CCDC66: variants seen among roughly 807,000 people sequenced by gnomAD.
The protein encoded by CCDC66 is coiled-coil domain-containing protein 66.
Under a neutral mutation model 128.3 loss-of-function variants are expected in CCDC66, and 133 were observed. That is an observed-to-expected ratio of 1.04 (90% CI 0.90 to 1.20). The LOEUF (loss-of-function observed/expected upper bound fraction) is 1.20, where lower values mean the gene tolerates loss of function less well. Ranked by LOEUF, CCDC66 falls within the 50% of genes most tolerant of loss-of-function variation. The pLI is 0.00. For synonymous variants in CCDC66, 387 were observed against 357.0 expected, an observed-to-expected ratio of 1.08 and a Z score of -0.95; for missense variants, 1,126 against 1,075.5, an observed-to-expected ratio of 1.05 and a Z score of -0.66.
rs957201763 is a variant in CCDC66, at chr3:56,619,688, TATAATGACTCCTGA to T, written c.2636-88_2636-75del. 5 of 1,513,856 alleles carry T rather than the reference TATAATGACTCCTGA, an allele frequency of 3.3e-6. No individual in the cohort carries two copies. The African/African-American group carries it at 5.6e-5, about 17-fold the overall frequency. The allele number at this position is 1,513,856 out of a possible 1,614,324, so 93.8% of individuals were successfully genotyped here. On this transcript the variant is annotated intron_variant, in intron 16 of 17. Coordinates refer to ENST00000394672, the MANE Select transcript of CCDC66 (RefSeq NM_001141947.3). ...GTACTTTCCTAGGATACATACTTATTATAATGACTCCTGACAATATTATATAGCACAGGGCTATG... is the reference window on the plus strand; with the variant it reads ...GTACTTTCCTAGGATACATACTTATTCAATATTATATAGCACAGGGCTATG...
rs567574441 is a variant in CCDC66, at chr3:56,608,827, G to T, written c.1405-4762G>T. Among the ~76,000 whole-genome samples the T allele has an allele frequency of 1.3e-3, 204 of 152,234 alleles. 1 individual carries two copies. The highest frequency in any genetic ancestry group is 4.0e-3 in the African/African-American group (168 of 41,546). ...TGTCATTACTGTCGTTCAGTTCAAAGAATTTTTAAATTTTCATCTTGATTT... is the reference window on the plus strand; with the variant it reads ...TGTCATTACTGTCGTTCAGTTCAAATAATTTTTAAATTTTCATCTTGATTT... On this transcript the variant is annotated intron_variant, in intron 10 of 17. Coordinates refer to ENST00000394672, the MANE Select transcript of CCDC66 (RefSeq NM_001141947.3).
chr3:56,573,694 C>A (rs1280477366), intron 7 of CCDC66, among the ~76,000 whole-genome samples: 1 of 152,096 alleles, frequency 6.6e-6, no homozygotes, highest in Non-Finnish European at 1.5e-5. Flanking sequence ...GTGCTGACAT[C>A]TTCTGAAGGG....
At chr3:56,579,210 A>G (rs1382105751) in intron 7 of CCDC66, among the ~76,000 whole-genome samples, 3 of 151,824 alleles carry the variant, frequency 2.0e-5, no homozygotes, top group African/African-American at 7.2e-5. Context: ...TGTTTATAGT[A>G]TTCTCTGATG....
intron 10 of CCDC66, among the ~76,000 whole-genome samples, chr3:56,601,322 A>G (rs917952965): frequency 5.9e-5 from 9 of 151,964 alleles, no homozygotes; most frequent in East Asian, 5.8e-4. Context: ...CTTCTGTTCT[A>G]TTCATCTATA....
chr3:56,587,229 A>G (rs1436641207), intron 7 of CCDC66, among the ~76,000 whole-genome samples: 2 of 151,988 alleles, frequency 1.3e-5, no homozygotes, highest in Admixed American at 1.3e-4. Flanking sequence ...GTGAGAATTA[A>G]TAATTTATTA....
intron 7 of CCDC66, among the ~76,000 whole-genome samples, chr3:56,585,132 G>GGGGGGA (rs2069427094): frequency 1.5e-5 from 1 of 67,294 alleles, no homozygotes; most frequent in Non-Finnish European, 5.5e-5. Flanking sequence ...AGAGGGAGAG[G>GGGGGGA]GAGGGAGAGG....
intron 14 of CCDC66, 87 bp downstream of exon 14, chr3:56,617,692 T>C: frequency 6.8e-7 from 1 of 1,479,866 alleles, no homozygotes; most frequent in Non-Finnish European, 9.1e-7. Flanking sequence ...AAGGCTGTTC[T>C]GATCTGTTTC....
In CCDC66 at chr3:56,564,071, G is replaced by A; in HGVS notation, c.490G>A (p.Val164Ile). The A allele has an allele frequency of 1.2e-5, 19 of 1,613,152 alleles. No individual in the cohort carries two copies. Among genetic ancestry groups the A allele is most frequent in the Non-Finnish European group, 1.6e-5 (19 of 1,179,530 alleles). The part of the protein sequence containing the change: ...QDQLQQILMT[V>I]NQGNRSLSLT... ...CCAACTACAACAGATTTTGATGACT[G>A]TAAACCAAGGAAATAGATCTCTTTC... Residue 164 changes from valine (V) to isoleucine (I), a missense_variant, in exon 4 of 18, where the codon GTA becomes ATA. By Grantham distance (29) the Val-to-Ile change is conservative. Coordinates refer to ENST00000394672, the MANE Select transcript of CCDC66 (RefSeq NM_001141947.3).
intron 11 of CCDC66, 54 bp downstream of exon 11, chr3:56,613,804 AGG>A: frequency 6.9e-7 from 1 of 1,447,126 alleles, no homozygotes; most frequent in Non-Finnish European, 9.6e-7. Context: ...TTTTTGAGAC[AGG>A]GTCTCACTCT....
chr3:56,605,664 C>T (rs1322120470), intron 10 of CCDC66, among the ~76,000 whole-genome samples: 4 of 152,034 alleles, frequency 2.6e-5, no homozygotes, highest in Non-Finnish European at 4.4e-5. Flanking sequence ...GAGGGGCACC[C>T]GTCACATGCC....
At position 56,605,285 on chromosome 3, in the gene CCDC66, T is replaced by G. The variant is rs571416437; in HGVS notation, c.1405-8304T>G. 7.9e-5 allele frequency among the ~76,000 whole-genome samples: 12 copies of G among 152,094 alleles called. 1 individual carries two copies. The highest frequency in any genetic ancestry group is 1.2e-4 in the Non-Finnish European group (8 of 68,028). On this transcript the variant is annotated intron_variant, in intron 10 of 17. Transcript: ENST00000394672. ...GCCTTCTTCTGTCAATTCGTAAAACTCATTCTCTGTCCAGTTTTGTTCCCT... is the reference window on the plus strand; with the variant it reads ...GCCTTCTTCTGTCAATTCGTAAAACGCATTCTCTGTCCAGTTTTGTTCCCT...
At chr3:56,574,178 G>A (rs1002364387) in intron 7 of CCDC66, among the ~76,000 whole-genome samples, 10 of 151,418 alleles carry the variant, frequency 6.6e-5, no homozygotes, top group African/African-American at 1.9e-4. Flanking sequence ...CCCAGCCAAC[G>A]TGGTGAAACC....
chr3:56,620,573 A>G (rs1294853219), intron 17 of CCDC66: 1 of 152,212 alleles, frequency 6.6e-6, no homozygotes, highest in Non-Finnish European at 1.5e-5. Context: ...TCTGCATTTC[A>G]AAATGTTGAC....
rs548386862 is a variant in CCDC66 at position 56,566,314 on chromosome 3, G to A, written c.545-280G>A. 8.5e-5 allele frequency among the ~76,000 whole-genome samples: 13 copies of A among 152,112 alleles called. No individual in the cohort carries two copies. The South Asian group carries it at 1.9e-3, about 22-fold the overall frequency. ...TAATTTTTGTAATTTTTGTAGAGAC[G>A]AGGTTTTGTCATGTTGCCCAGGCTG... is the stretch of plus-strand genomic sequence containing the variant. On this transcript the variant is annotated intron_variant, in intron 4 of 17. Coordinates refer to ENST00000394672, the MANE Select transcript of CCDC66 (RefSeq NM_001141947.3).
At chr3:56,579,672 T>C (rs1320912988) in intron 7 of CCDC66, among the ~76,000 whole-genome samples, 1 of 151,882 alleles carries the variant, frequency 6.6e-6, no homozygotes, top group African/African-American at 2.4e-5. Context: ...ATGTACCCAG[T>C]AGTCATTCAG....
In CCDC66 at chr3:56,563,624, A is replaced by G. The variant is rs1057149925; in HGVS notation, c.103-60A>G. ...GGACTGATTTATCACAGATCATATA[A>G]AGATAATTGGTGATTTTTCTTGGAC... On this transcript the variant is annotated intron_variant, in intron 3 of 17. Coordinates refer to ENST00000394672, the MANE Select transcript of CCDC66 (RefSeq NM_001141947.3). 3.2e-5 allele frequency: 42 copies of G among 1,317,246 alleles called. No homozygotes were observed. The East Asian group carries it at 4.8e-4, about 15-fold the overall frequency. The allele number at this position is 1,317,246 out of a possible 1,614,324, so 81.6% of individuals were successfully genotyped here. A position where few individuals can be genotyped will look rare whatever the true frequency, so the allele number is the denominator to read the frequency against.
At chr3:56,567,729 G>A (rs2066057868) in intron 6 of CCDC66, among the ~76,000 whole-genome samples, 1 of 151,978 alleles carries the variant, frequency 6.6e-6, no homozygotes, top group Non-Finnish European at 1.5e-5. Flanking sequence ...GTCTCGCTGT[G>A]TTGCCCAGGC....
intron 7 of CCDC66, among the ~76,000 whole-genome samples, chr3:56,581,737 C>T (rs980180865): frequency 2.6e-5 from 4 of 151,820 alleles, no homozygotes; most frequent in African/African-American, 9.7e-5. Context: ...GCAGATATTG[C>T]AGAACAGCAA....
chr3:56,590,633 T>C (rs1347344186), intron 7 of CCDC66, among the ~76,000 whole-genome samples: 1 of 151,740 alleles, frequency 6.6e-6, no homozygotes, highest in Non-Finnish European at 1.5e-5. Flanking sequence ...GTGGTGTGCA[T>C]CTGTAGTCCC....
Sources: allele counts gnomAD v4.1 joint callset (sites outside exome capture counted in the v4.1 genomes callset), GRCh38; gene constraint gnomAD v4.1.1; transcripts MANE v1.5; gene names NCBI Gene and HGNC (gene_info 2026-07-23, HGNC 2026-07-21).